The following ULK4 variants were observed in gnomAD, a reference collection of about 807,000 sequenced individuals.
ULK4 encodes inactive serine/threonine-protein kinase ULK4.
In ULK4, 133 loss-of-function variants were observed where a neutral mutation model predicts 160.6. The observed-to-expected ratio is 0.83, with a 90% CI of 0.72 to 0.96. The LOEUF (loss-of-function observed/expected upper bound fraction) is 0.96. Among genes scored for constraint, ULK4 ranks in the 40% least tolerant of loss-of-function variants. The pLI, the probability that ULK4 is intolerant of heterozygous loss-of-function variation, is 0.00. For synonymous variants in ULK4, 534 were observed against 539.8 expected, an observed-to-expected ratio of 0.99 and a Z score of 0.15; for missense variants, 1,580 against 1,499.5, an observed-to-expected ratio of 1.05 and a Z score of -0.89.
In ULK4 at chr3:41,841,315, G is replaced by A. The variant is rs868688000; in HGVS notation, c.1657-5344C>T. Among the ~76,000 whole-genome samples, 81 of 139,388 alleles carry A rather than the reference G, an allele frequency of 5.8e-4. 1 individual carries two copies. Among genetic ancestry groups the A allele is most frequent in the South Asian group, 4.9e-4 (2 of 4,070 alleles). 91.4% of individuals were successfully genotyped at this position (139,388 alleles called of 152,430 possible). A position where few individuals can be genotyped will look rare whatever the true frequency, so the allele number is the denominator to read the frequency against. ...GTGGGCGCCTCTGCCCGGCCGCCCC[G>A]TCTGGGAGGTGAGGGGCGTCTCTGT... On this transcript the variant is annotated intron_variant, in intron 17 of 36. Coordinates refer to ENST00000301831, the MANE Select transcript of ULK4 (RefSeq NM_017886.4).
At chr3:41,829,433 C>CGCAA (rs1271293144) in intron 18 of ULK4, among the ~76,000 whole-genome samples, 1 of 138,928 alleles carries the variant, frequency 7.2e-6, no homozygotes, top group South Asian at 2.2e-4. Context: ...CTACAATGAA[C>CGCAA]TCAAATTTAC....
intron 35 of ULK4, among the ~76,000 whole-genome samples, chr3:41,318,090 A>G (rs944269034): frequency 2.0e-5 from 3 of 151,904 alleles, no homozygotes; most frequent in African/African-American, 7.3e-5. Flanking sequence ...GTTGCTCTCA[A>G]CTCTTTATCT....
chr3:41,627,999 T>G (rs2033598911), intron 30 of ULK4, among the ~76,000 whole-genome samples: 1 of 152,174 alleles, frequency 6.6e-6, no homozygotes, highest in Admixed American at 6.5e-5. Context: ...CTAAGAAGTT[T>G]GGGTTTTACC....
intron 21 of ULK4, among the ~76,000 whole-genome samples, chr3:41,765,631 C>G (rs964185715): frequency 6.6e-6 from 1 of 151,968 alleles, no homozygotes; most frequent in Non-Finnish European, 1.5e-5. Context: ...ATTTAAGACT[C>G]TAGAAAAGAT....
At position 41,931,919 on chromosome 3, in the gene ULK4, A is replaced by G; in HGVS notation, c.466T>C (p.Leu156=). The change falls in exon 5 of 37, where the codon TTG becomes CTG. Residue 156 remains leucine (L), a synonymous_variant. Coordinates refer to ENST00000301831, the MANE Select transcript of ULK4 (RefSeq NM_017886.4). ...EGENLEEFFA[L]VAAEEGGGDN... ...CCTCCTCCTTCCTCTGCTGCCACCA[A>G]AGCAAAGAACTCTTCCAAATTTTCA... The G allele has an allele frequency of 2.5e-6, 4 of 1,614,016 alleles. No homozygotes were observed. Among genetic ancestry groups the G allele is most frequent in the Non-Finnish European group, 3.4e-6 (4 of 1,180,002 alleles).
chr3:41,356,351 T>C (rs1410303445), intron 35 of ULK4, among the ~76,000 whole-genome samples: 1 of 152,204 alleles, frequency 6.6e-6, no homozygotes, highest in Admixed American at 6.5e-5. Context: ...GTCAGGTGTA[T>C]ATCATCTCTT....
At chr3:41,795,004 G>T (rs182956345) in intron 20 of ULK4, among the ~76,000 whole-genome samples, 21 of 152,308 alleles carry the variant, frequency 1.4e-4, no homozygotes, top group African/African-American at 4.8e-4. Flanking sequence ...GCCAAATCAT[G>T]CAAGATACTG....
At chr3:41,815,977 G>A (rs146034638) in intron 19 of ULK4, among the ~76,000 whole-genome samples, 106 of 152,194 alleles carry the variant, frequency 7.0e-4, no homozygotes, top group Middle Eastern at 3.4e-3. Context: ...CACAGAGCAT[G>A]GTGGCATGCA....
At chr3:41,634,211 T>TTATA (rs1432168984) in intron 30 of ULK4, among the ~76,000 whole-genome samples, 33 of 152,314 alleles carry the variant, frequency 2.2e-4, no homozygotes, top group African/African-American at 7.2e-4. Context: ...GGGAACTTGC[T>TTATA]TATACTGGCA....
At chr3:41,913,672 A>C (rs776502127) in intron 8 of ULK4, among the ~76,000 whole-genome samples, 13 of 152,222 alleles carry the variant, frequency 8.5e-5, no homozygotes, top group Non-Finnish European at 1.9e-4. Context: ...GGAATAAATA[A>C]GAATATCAGC....
At chr3:41,402,643 T>C (rs1024605554) in intron 34 of ULK4, among the ~76,000 whole-genome samples, 1 of 152,226 alleles carries the variant, frequency 6.6e-6, no homozygotes, top group South Asian at 2.1e-4. Flanking sequence ...TTAACCTGTT[T>C]ATATGGTAAA....
intron 34 of ULK4, among the ~76,000 whole-genome samples, chr3:41,439,799 T>C (rs895872285): frequency 5.3e-5 from 8 of 152,228 alleles, no homozygotes; most frequent in Admixed American, 3.3e-4. Flanking sequence ...ACATTGAGTT[T>C]ACACATCAAT....
At chr3:41,366,048 AAGAC>A (rs2081247140) in intron 35 of ULK4, among the ~76,000 whole-genome samples, 1 of 152,198 alleles carries the variant, frequency 6.6e-6, no homozygotes, top group African/African-American at 2.4e-5. Flanking sequence ...CCAATCCACA[AAGAC>A]AGGACAGTCT....
intron 2 of ULK4, among the ~76,000 whole-genome samples, chr3:41,941,245 C>A (rs968694956): frequency 1.4e-5 from 2 of 147,888 alleles, no homozygotes; most frequent in Admixed American, 1.4e-4. Flanking sequence ...ACTTTGTTGC[C>A]CAAGTTGGTC....
At chr3:41,722,402 G>A (rs2037503049) in intron 22 of ULK4, among the ~76,000 whole-genome samples, 1 of 152,140 alleles carries the variant, frequency 6.6e-6, no homozygotes. Flanking sequence ...GCCATGGCGG[G>A]TGGATCACCT....
At chr3:41,733,582 G>A (rs949208583) in intron 22 of ULK4, among the ~76,000 whole-genome samples, 5 of 151,664 alleles carry the variant, frequency 3.3e-5, no homozygotes, top group African/African-American at 1.2e-4. Context: ...ATAAAAAGAG[G>A]TAAACAGTCA....
At chr3:41,254,848 A>C (rs1575357455) in intron 35 of ULK4, among the ~76,000 whole-genome samples, 1 of 151,622 alleles carries the variant, frequency 6.6e-6, no homozygotes, top group African/African-American at 2.4e-5. Flanking sequence ...ATGCCACTGC[A>C]CTCCAGCCTG....
chr3:41,376,477 A>G (rs1286101978), intron 35 of ULK4, among the ~76,000 whole-genome samples: 1 of 150,132 alleles, frequency 6.7e-6, no homozygotes, highest in African/African-American at 2.5e-5. Context: ...AGAAAACCCC[A>G]CTGTCTCAGC....
intron 27 of ULK4, among the ~76,000 whole-genome samples, chr3:41,684,653 G>C (rs2036040951): frequency 6.6e-6 from 1 of 152,168 alleles, no homozygotes; most frequent in African/African-American, 2.4e-5. Flanking sequence ...GTCATCTTTT[G>C]CTATCTTAAA....
Sources: gnomAD v4.1 joint callset for allele counts (sites outside exome capture counted in the v4.1 genomes callset) on GRCh38, gnomAD v4.1.1 for gene constraint, MANE v1.5 for transcripts, NCBI Gene and HGNC (gene_info 2026-07-23, HGNC 2026-07-21) for gene names.